Variants in CSMD1 observed in about 807,000 individuals in gnomAD.
CSMD1 encodes CUB and Sushi multiple domains 1.
CSMD1 carries 213 observed loss-of-function variants against 417.5 expected under a neutral mutation model. The ratio of observed to expected loss-of-function variants is 0.51; its 90% CI spans 0.46 to 0.57. The LOEUF (loss-of-function observed/expected upper bound fraction) is 0.57. CSMD1 is among the 20% of genes least tolerant of loss of function. The pLI is 0.00. For synonymous variants in CSMD1, 2,862 were observed against 1,736.8 expected (o/e 1.65, Z -16.11); for missense variants, 6,923 against 4,529.7 (o/e 1.53, Z -15.17).
intron 47 of CSMD1, among the ~76,000 whole-genome samples, chr8:3,095,651 T>C (rs775836698): frequency 1.3e-5 from 2 of 152,178 alleles, no homozygotes; most frequent in African/African-American, 2.4e-5. Context: ...ATTAGAATAA[T>C]TTATTTTTTT....
At chr8:3,326,280 C>G (rs1025249415) in intron 23 of CSMD1, among the ~76,000 whole-genome samples, 2 of 152,194 alleles carry the variant, frequency 1.3e-5, no homozygotes, top group African/African-American at 2.4e-5. Context: ...CTCTGATTTG[C>G]TTTTTGACAT....
intron 1 of CSMD1, among the ~76,000 whole-genome samples, chr8:4,870,470 C>T (rs1271680931): frequency 6.6e-6 from 1 of 152,102 alleles, no homozygotes; most frequent in Non-Finnish European, 1.5e-5. Flanking sequence ...TAGAGCCAGT[C>T]TTTCTTTTGA....
chr8:3,440,961 T>A (rs968104), intron 12 of CSMD1, among the ~76,000 whole-genome samples: 17,010 of 152,040 alleles, frequency 0.11, 1,167 homozygotes, highest in East Asian at 0.28. Flanking sequence ...GGAAAATGGG[T>A]CTTTGCAGAT....
chr8:4,287,616 T>C (rs1395288638), intron 3 of CSMD1, among the ~76,000 whole-genome samples: 2 of 151,778 alleles, frequency 1.3e-5, no homozygotes, highest in Non-Finnish European at 2.9e-5. Flanking sequence ...GTACTTTACA[T>C]AACCTTAATT....
chr8:4,410,722 C>T (rs1023995242), intron 3 of CSMD1, among the ~76,000 whole-genome samples: 1 of 151,870 alleles, frequency 6.6e-6, no homozygotes, highest in African/African-American at 2.4e-5. Flanking sequence ...GAAGTATGTA[C>T]AGAAGATAAA....
intron 3 of CSMD1, among the ~76,000 whole-genome samples, chr8:4,066,826 C>G (rs1232137945): frequency 5.3e-5 from 8 of 152,212 alleles, no homozygotes; most frequent in Non-Finnish European, 1.0e-4. Context: ...AGCGACAACA[C>G]CCACTCACAA....
At chr8:3,055,635 T>C (rs552851337) in intron 49 of CSMD1, among the ~76,000 whole-genome samples, 1 of 152,326 alleles carries the variant, frequency 6.6e-6, no homozygotes, top group South Asian at 2.1e-4. Flanking sequence ...TGTAAGAAAC[T>C]TTCACAGTTT....
chr8:3,709,678 A>ATCTTTTTTTTTTTTTTTTTTT (rs1563296488), intron 6 of CSMD1, among the ~76,000 whole-genome samples: 1 of 24,322 alleles, frequency 4.1e-5, no homozygotes, highest in South Asian at 1.6e-3. Context: ...TTGCAGCAGC[A>ATCTTTTTTTTTTTTTTTTTTT]TGTTTTTTTT....
intron 54 of CSMD1, among the ~76,000 whole-genome samples, chr8:2,984,019 T>C (rs995180372): frequency 6.6e-6 from 1 of 152,176 alleles, no homozygotes; most frequent in African/African-American, 2.4e-5. Flanking sequence ...TCCTGTTCCC[T>C]GAGCAAATAG....
intron 8 of CSMD1, among the ~76,000 whole-genome samples, chr8:3,608,491 C>G (rs1330905560): frequency 6.6e-6 from 1 of 152,066 alleles, no homozygotes; most frequent in African/African-American, 2.4e-5. Flanking sequence ...TGGCTGGGCG[C>G]TGTGGCTCAC....
chr8:4,577,797 A>G (rs1299118750), intron 2 of CSMD1, among the ~76,000 whole-genome samples: 1 of 152,226 alleles, frequency 6.6e-6, no homozygotes, highest in Non-Finnish European at 1.5e-5. Flanking sequence ...AATAAAAAAG[A>G]TACCTGATTT....
At chr8:2,955,081 A>G (rs1001121818) in intron 64 of CSMD1, among the ~76,000 whole-genome samples, 17 of 152,240 alleles carry the variant, frequency 1.1e-4, no homozygotes, top group African/African-American at 4.1e-4. Context: ...GATCGTTTCC[A>G]TGTGAATTGC....
chr8:3,475,822 C>T (rs1360820900), intron 11 of CSMD1, among the ~76,000 whole-genome samples: 2 of 152,210 alleles, frequency 1.3e-5, no homozygotes, highest in Non-Finnish European at 2.9e-5. Context: ...ACAACTAGGG[C>T]ACTTTGTGAG....
At chr8:4,837,666 A>T (rs1054456494) in intron 1 of CSMD1, among the ~76,000 whole-genome samples, 4 of 152,204 alleles carry the variant, frequency 2.6e-5, no homozygotes, top group African/African-American at 9.7e-5. Context: ...TACAAAAAAA[A>T]GTTAGAATAA....
rs542270634 is a variant in CSMD1, at chr8:3,954,824, G to T, written c.818+43079C>A. Among the ~76,000 whole-genome samples, 17 of 152,260 alleles carry T rather than the reference G, an allele frequency of 1.1e-4. No individual in the cohort carries two copies. The South Asian group carries it at 2.9e-3, about 26-fold the overall frequency. ...CTCCTTGCCCCTCGGAAGCGAGCAT[G>T]CGCAGTGTGGCAGGGAGTTACATGC... On this transcript the variant is annotated intron_variant, in intron 5 of 69. Transcript: ENST00000635120.
At chr8:4,010,933 T>A (rs1816491177) in intron 4 of CSMD1, among the ~76,000 whole-genome samples, 2 of 152,174 alleles carry the variant, frequency 1.3e-5, no homozygotes, top group South Asian at 4.1e-4. Flanking sequence ...TAATCCTACA[T>A]TGGCCCATAA....
chr8:3,593,157 C>T (rs1264475022), intron 8 of CSMD1, among the ~76,000 whole-genome samples: 8 of 152,200 alleles, frequency 5.3e-5, no homozygotes, highest in Non-Finnish European at 7.3e-5. Flanking sequence ...GTGATGGTGG[C>T]GTGGAGGCTG....
chr8:3,315,725 C>A (rs1022362293), intron 23 of CSMD1, among the ~76,000 whole-genome samples: 1 of 152,018 alleles, frequency 6.6e-6, no homozygotes, highest in African/African-American at 2.4e-5. Context: ...GGTAAAACAT[C>A]AAAAAGCCTG....
intron 3 of CSMD1, among the ~76,000 whole-genome samples, chr8:4,058,445 G>C (rs1355836179): frequency 6.6e-6 from 1 of 152,084 alleles, no homozygotes; most frequent in Non-Finnish European, 1.5e-5. Flanking sequence ...CTGGGACAAT[G>C]GGGTTTTCCA....
Sources: gnomAD v4.1 joint callset for allele counts (sites outside exome capture counted in the v4.1 genomes callset) on GRCh38, gnomAD v4.1.1 for gene constraint, MANE v1.5 for transcripts, NCBI Gene and HGNC (gene_info 2026-07-23, HGNC 2026-07-21) for gene names.